Variants in RALYL observed in about 807,000 individuals in gnomAD.
RALYL encodes the protein RALY RNA binding protein like.
Under a neutral mutation model 35.1 loss-of-function variants are expected in RALYL, and 29 were observed. That is an observed-to-expected ratio of 0.83 (90% CI 0.61 to 1.13). The LOEUF is 1.13. RALYL is among the 50% of genes most tolerant of loss of function. The pLI is 0.00. For missense variants in RALYL, 359 were observed against 360.4 expected (o/e 1.00, Z 0.03); for synonymous variants, 120 against 127.6 (o/e 0.94, Z 0.40).
intron 1 of RALYL, among the ~76,000 whole-genome samples, chr8:84,402,560 A>G (rs1475802038): frequency 6.6e-6 from 1 of 152,262 alleles, no homozygotes; most frequent in African/African-American, 2.4e-5. Flanking sequence ...TCCTAGTTCA[A>G]ACTCAATGAA....
chr8:84,263,684 G>A (rs1832729119), intron 1 of RALYL, among the ~76,000 whole-genome samples: 1 of 151,958 alleles, frequency 6.6e-6, no homozygotes, highest in African/African-American at 2.4e-5. Context: ...ATAATGGTTT[G>A]CTGCACCTAT....
At chr8:84,673,312 T>C (rs1366919855) in intron 2 of RALYL, among the ~76,000 whole-genome samples, 2 of 152,228 alleles carry the variant, frequency 1.3e-5, no homozygotes, top group Non-Finnish European at 2.9e-5. Flanking sequence ...TCTCCCATTC[T>C]TTAGGTTGTC....
intron 1 of RALYL, among the ~76,000 whole-genome samples, chr8:84,342,296 AAAAC>A (rs1848996748): frequency 8.4e-6 from 1 of 119,210 alleles, no homozygotes; most frequent in African/African-American, 3.5e-5. Flanking sequence ...ATATATATAT[AAAAC>A]TCAAAAAGTG....
chr8:84,885,748 C>G (rs1181633454), intron 7 of RALYL, among the ~76,000 whole-genome samples: 1 of 152,052 alleles, frequency 6.6e-6, no homozygotes, highest in Non-Finnish European at 1.5e-5. Flanking sequence ...CTCTTTTTCT[C>G]CTCTGAAACA....
At chr8:84,485,359 C>G (rs1351384554) in intron 1 of RALYL, among the ~76,000 whole-genome samples, 1 of 152,008 alleles carries the variant, frequency 6.6e-6, no homozygotes, top group African/African-American at 2.4e-5. Context: ...GAGGCGGAGG[C>G]GAGTGGATCA....
At chr8:84,244,174 A>G (rs1828594898) in intron 1 of RALYL, among the ~76,000 whole-genome samples, 1 of 152,108 alleles carries the variant, frequency 6.6e-6, no homozygotes, top group Non-Finnish European at 1.5e-5. Context: ...TTTTCCAGTA[A>G]TCCTATGACA....
intron 2 of RALYL, among the ~76,000 whole-genome samples, chr8:84,765,859 A>G (rs1468307296): frequency 6.6e-6 from 1 of 151,862 alleles, no homozygotes; most frequent in Non-Finnish European, 1.5e-5. Flanking sequence ...AACCCTAAGA[A>G]TAAAGATTTG....
chr8:84,888,725 C>T lies in RALYL; in HGVS notation c.858+949C>T, dbSNP rs530361369. Among the ~76,000 whole-genome samples, 20 of 152,068 alleles carry T rather than the reference C, an allele frequency of 1.3e-4. No individual in the cohort carries two copies. The East Asian group carries it at 3.7e-3, about 28-fold the overall frequency. Reference sequence around the variant, plus strand: ...ATGCCAGCTCTGTTAAAATTTATGGCACCTTTATTATTTTTTGTTTATTTA... The same window carrying T: ...ATGCCAGCTCTGTTAAAATTTATGGTACCTTTATTATTTTTTGTTTATTTA... On this transcript the variant is annotated intron_variant, in intron 8 of 8. Coordinates refer to ENST00000521268, the MANE Select transcript of RALYL (RefSeq NM_173848.7).
chr8:84,615,178 T>C (rs776045035), intron 2 of RALYL, among the ~76,000 whole-genome samples: 21 of 151,886 alleles, frequency 1.4e-4, no homozygotes, highest in Non-Finnish European at 2.4e-4. Flanking sequence ...ATTTCTAAAA[T>C]GAATTGTTAC....
chr8:84,550,850 A>T (rs1356820601), intron 2 of RALYL, among the ~76,000 whole-genome samples: 4 of 152,006 alleles, frequency 2.6e-5, no homozygotes, highest in African/African-American at 9.6e-5. Context: ...CTATAAAATA[A>T]TCATAAAATC....
rs543497689 is a variant in RALYL at position 84,493,471 on chromosome 8, A to G, written c.-23-35828A>G. 9.3e-4 allele frequency among the ~76,000 whole-genome samples: 141 copies of G among 152,276 alleles called. 2 individuals are homozygous for G. In the South Asian group the frequency reaches 0.02, roughly 21 times the overall value. Reference sequence around the variant, plus strand: ...TGGGTCAAATGGTATTTCTGGTTCTAAATCCTTCAGGAATTGCCACACTGT... The same window carrying G: ...TGGGTCAAATGGTATTTCTGGTTCTGAATCCTTCAGGAATTGCCACACTGT... On this transcript the variant is annotated intron_variant, in intron 1 of 8. Transcript: ENST00000521268.
At chr8:84,484,166 C>G (rs2054350703) in intron 1 of RALYL, among the ~76,000 whole-genome samples, 1 of 152,014 alleles carries the variant, frequency 6.6e-6, no homozygotes, top group African/African-American at 2.4e-5. Flanking sequence ...CATTCAATAA[C>G]TTTAACATTG....
chr8:84,428,470 G>T (rs558664036), intron 1 of RALYL, among the ~76,000 whole-genome samples: 20 of 152,214 alleles, frequency 1.3e-4, no homozygotes, highest in African/African-American at 4.6e-4. Flanking sequence ...CTTGAGTAGG[G>T]TTGTGAGAAA....
chr8:84,899,629 C>T (rs1198783916), intron 8 of RALYL, among the ~76,000 whole-genome samples: 1 of 152,078 alleles, frequency 6.6e-6, no homozygotes, highest in African/African-American at 2.4e-5. Context: ...CAGGCAGCAG[C>T]CTGAGTCTTG....
At chr8:84,596,468 A>G (rs1814564755) in intron 2 of RALYL, among the ~76,000 whole-genome samples, 1 of 152,310 alleles carries the variant, frequency 6.6e-6, no homozygotes, top group Admixed American at 6.5e-5. Flanking sequence ...AAGAGAAACC[A>G]TCTTGTCCAG....
At chr8:84,496,146 C>T (rs894430428) in intron 1 of RALYL, among the ~76,000 whole-genome samples, 7 of 151,980 alleles carry the variant, frequency 4.6e-5, no homozygotes, top group African/African-American at 9.7e-5. Context: ...GTTAATGAGA[C>T]TATTAATAGC....
intron 2 of RALYL, among the ~76,000 whole-genome samples, chr8:84,717,095 G>T (rs756741914): frequency 6.6e-6 from 1 of 152,148 alleles, no homozygotes; most frequent in Non-Finnish European, 1.5e-5. Flanking sequence ...GCTGAGACAG[G>T]AGAATTGCTT....
intron 1 of RALYL, among the ~76,000 whole-genome samples, chr8:84,342,694 C>T (rs1849086392): frequency 6.6e-6 from 1 of 151,964 alleles, no homozygotes; most frequent in South Asian, 2.1e-4. Context: ...AATATCATGT[C>T]ACTTCTGCAT....
At chr8:84,714,052 A>G (rs185975209) in intron 2 of RALYL, among the ~76,000 whole-genome samples, 10 of 151,636 alleles carry the variant, frequency 6.6e-5, no homozygotes, top group African/African-American at 2.4e-4. Flanking sequence ...ACACACCCCA[A>G]TGGAATACTA....
Sources: allele counts gnomAD v4.1 joint callset (sites outside exome capture counted in the v4.1 genomes callset), GRCh38; gene constraint gnomAD v4.1.1; transcripts MANE v1.5; gene names NCBI Gene and HGNC (gene_info 2026-07-23, HGNC 2026-07-21).